COG5: variants seen among roughly 807,000 people sequenced by gnomAD.
COG5 encodes conserved oligomeric Golgi complex subunit 5.
COG5 carries 86 observed loss-of-function variants against 110.4 expected under a neutral mutation model. That is an observed-to-expected ratio of 0.78 (90% confidence interval 0.65 to 0.93). The LOEUF is 0.93. Ranked by LOEUF, COG5 falls within the 40% of genes least tolerant of loss-of-function variation. The pLI is 0.00. For synonymous variants in COG5, 360 were observed against 334.6 expected (o/e 1.08, Z -0.83); for missense variants, 1,077 against 987.0 (o/e 1.09, Z -1.22).
At chr7:107,213,312 C>A (rs975518279) in intron 19 of COG5, among the ~76,000 whole-genome samples, 2 of 152,160 alleles carry the variant, frequency 1.3e-5, no homozygotes, top group Non-Finnish European at 2.9e-5. Context: ...TTGAAGAGAA[C>A]AGTGGCTAGA....
chr7:107,491,783 T>A (rs1797987368), intron 6 of COG5, among the ~76,000 whole-genome samples: 1 of 152,144 alleles, frequency 6.6e-6, no homozygotes, highest in Non-Finnish European at 1.5e-5. Context: ...GAAAATTCCA[T>A]GAGAAATTTC....
At chr7:107,259,018 T>C (rs1270406136) in intron 14 of COG5, among the ~76,000 whole-genome samples, 2 of 152,128 alleles carry the variant, frequency 1.3e-5, no homozygotes, top group Admixed American at 1.3e-4. Context: ...AGATGATCAG[T>C]AGACGTGGTA....
In COG5 at chr7:107,394,204, C is replaced by T. The variant is rs189023741; in HGVS notation, c.669+18298G>A. ...GGTGTCGATCTCCTGACCTTGTGAT[C>T]CGCCTGCCTCGGCCTCCCAAAATGC... On this transcript the variant is annotated intron_variant, in intron 7 of 21. Transcript: ENST00000297135. 3.5e-3 allele frequency among the ~76,000 whole-genome samples: 527 copies of T among 151,720 alleles called. 2 individuals are homozygous for T. Among genetic ancestry groups the T allele is most frequent in the Middle Eastern group, 6.8e-3 (2 of 292 alleles).
intron 14 of COG5, 120 bp from the exon 15 acceptor site, chr7:107,258,503 A>T: frequency 4.1e-6 from 3 of 731,980 alleles, no homozygotes; most frequent in Non-Finnish European, 7.5e-6. Flanking sequence ...GGAGAAGTTC[A>T]TGCCCCTCTG....
At chr7:107,332,253 G>A (rs6951737) in intron 10 of COG5, among the ~76,000 whole-genome samples, 7 of 152,154 alleles carry the variant, frequency 4.6e-5, no homozygotes, top group Admixed American at 2.0e-4. Context: ...TCCATATATT[G>A]CATGTGGCAT....
intron 19 of COG5, among the ~76,000 whole-genome samples, chr7:107,214,764 G>C (rs1266729735): frequency 6.6e-6 from 1 of 151,588 alleles, no homozygotes; most frequent in Admixed American, 6.6e-5. Context: ...TTTACCAAAA[G>C]TACAAAAATT....
At chr7:107,491,443 C>T (rs1411933797) in intron 6 of COG5, among the ~76,000 whole-genome samples, 1 of 152,110 alleles carries the variant, frequency 6.6e-6, no homozygotes, top group Non-Finnish European at 1.5e-5. Flanking sequence ...CATTCATGCT[C>T]TCCACTTTGT....
chr7:107,245,770 T>C (rs1226522416), intron 17 of COG5, among the ~76,000 whole-genome samples: 1 of 152,170 alleles, frequency 6.6e-6, no homozygotes. Context: ...ATCAGTATGA[T>C]TACAATGGCT....
intron 7 of COG5, among the ~76,000 whole-genome samples, chr7:107,404,622 A>G (rs1791673647): frequency 6.6e-6 from 1 of 152,192 alleles, no homozygotes; most frequent in African/African-American, 2.4e-5. Flanking sequence ...ACTGAAAAGC[A>G]GAGAACATAT....
At chr7:107,329,101 C>T (rs1351704689) in intron 10 of COG5, among the ~76,000 whole-genome samples, 1 of 152,162 alleles carries the variant, frequency 6.6e-6, no homozygotes, top group East Asian at 1.9e-4. Flanking sequence ...ATCCCATTGG[C>T]CAATTCCTTA....
intron 5 of COG5, among the ~76,000 whole-genome samples, chr7:107,545,077 G>T (rs928811476): frequency 2.6e-5 from 4 of 152,154 alleles, no homozygotes; most frequent in African/African-American, 9.7e-5. Context: ...TATTTGAAAT[G>T]ATCCAGTCAG....
chr7:107,395,300 A>G (rs1175203341), intron 7 of COG5, among the ~76,000 whole-genome samples: 1 of 152,062 alleles, frequency 6.6e-6, no homozygotes, highest in Non-Finnish European at 1.5e-5. Flanking sequence ...GAAGATAGGG[A>G]GGGAGAAGTA....
chr7:107,356,534 A>G (rs955524102), intron 10 of COG5, among the ~76,000 whole-genome samples: 1 of 152,168 alleles, frequency 6.6e-6, no homozygotes, highest in Non-Finnish European at 1.5e-5. Flanking sequence ...ACCCTGACTC[A>G]TAATAAATAA....
At chr7:107,516,795 CAGAA>C (rs1799953540) in intron 6 of COG5, among the ~76,000 whole-genome samples, 1 of 152,168 alleles carries the variant, frequency 6.6e-6, no homozygotes, top group African/African-American at 2.4e-5. Flanking sequence ...AACTAACAAA[CAGAA>C]AGCAACAACA....
intron 10 of COG5, among the ~76,000 whole-genome samples, chr7:107,355,564 A>C (rs1212001791): frequency 6.6e-6 from 1 of 152,270 alleles, no homozygotes; most frequent in Non-Finnish European, 1.5e-5. Flanking sequence ...ACTGAGGTAT[A>C]GCTAGGCAAT....
chr7:107,209,265 G>C (rs1485957125), intron 21 of COG5: 1 of 982,268 alleles, frequency 1.0e-6, no homozygotes, highest in East Asian at 1.1e-4. Context: ...TGAGGAATAA[G>C]GATGACAGAG....
At chr7:107,559,647 A>C (rs1318947972) in intron 1 of COG5, among the ~76,000 whole-genome samples, 2 of 152,216 alleles carry the variant, frequency 1.3e-5, no homozygotes, top group African/African-American at 4.8e-5. Context: ...GATTATTCTT[A>C]AAATGTAGTG....
intron 14 of COG5, among the ~76,000 whole-genome samples, chr7:107,279,038 T>C (rs1302019942): frequency 6.6e-6 from 1 of 152,104 alleles, no homozygotes; most frequent in Non-Finnish European, 1.5e-5. Flanking sequence ...AATCTATCCA[T>C]CTGACAAAGG....
intron 6 of COG5, among the ~76,000 whole-genome samples, chr7:107,518,483 A>G (rs1344714070): frequency 6.6e-6 from 1 of 152,218 alleles, no homozygotes; most frequent in Non-Finnish European, 1.5e-5. Context: ...AGCAAATGGG[A>G]AACAAAAAAA....
Sources: gnomAD v4.1 joint callset for allele counts (sites outside exome capture counted in the v4.1 genomes callset) on GRCh38, gnomAD v4.1.1 for gene constraint, MANE v1.5 for transcripts, NCBI Gene and HGNC (gene_info 2026-07-23, HGNC 2026-07-21) for gene names.